The following WDR12 variants were observed in gnomAD, a reference collection of about 807,000 sequenced individuals.
WDR12 encodes ribosome biogenesis protein WDR12.
Under a neutral mutation model 64.3 loss-of-function variants are expected in WDR12, and 42 were observed. That is an observed-to-expected ratio of 0.65 (90% CI 0.51 to 0.84). The LOEUF (loss-of-function observed/expected upper bound fraction) is 0.84. Ranked by LOEUF, WDR12 falls within the 40% of genes least tolerant of loss-of-function variation. The probability of loss-of-function intolerance (pLI) is 0.00; values close to 1 mark genes in which losing one functional copy is unlikely to be tolerated. For synonymous variants in WDR12, 158 were observed against 173.3 expected, an observed-to-expected ratio of 0.91 and a Z score of 0.70; for missense variants, 469 against 494.6, an observed-to-expected ratio of 0.95 and a Z score of 0.49.
intron 4 of WDR12, among the ~76,000 whole-genome samples, chr2:202,897,888 C>CAAAA (rs10637220): frequency 8.1e-5 from 6 of 74,188 alleles, no homozygotes; most frequent in African/African-American, 2.4e-4. Flanking sequence ...GACTCCGTTT[C>CAAAA]AAAAAAAAAA....
At chr2:202,907,998 G>C (rs763142577) in intron 1 of WDR12, 39 bp from the exon 2 acceptor site, 2 of 1,561,870 alleles carry the variant, frequency 1.3e-6, no homozygotes, top group Non-Finnish European at 1.8e-6. Context: ...CAAGTCTACA[G>C]ATATTTGAAC....
chr2:202,911,351 A>G, intron 1 of WDR12, 85 bp downstream of exon 1: 1 of 1,367,194 alleles, frequency 7.3e-7, no homozygotes, highest in Non-Finnish European at 1.0e-6. Flanking sequence ...GACAGCAGAA[A>G]CAACCAGGGA....
chr2:202,903,087 C>A (rs1241228517), intron 2 of WDR12, among the ~76,000 whole-genome samples: 2 of 151,748 alleles, frequency 1.3e-5, no homozygotes, highest in Non-Finnish European at 2.9e-5. Context: ...TCAAAAAAAA[C>A]CAAAAAAACA....
At chr2:202,884,361 T>C (rs1040567652) in intron 9 of WDR12, 34 bp downstream of exon 9, 43 of 1,613,424 alleles carry the variant, frequency 2.7e-5, no homozygotes, top group Non-Finnish European at 3.5e-5. Flanking sequence ...TCTCTAGAAG[T>C]TTATCACTTA....
intron 3 of WDR12, among the ~76,000 whole-genome samples, chr2:202,900,186 C>A (rs559008336): frequency 6.6e-6 from 1 of 152,068 alleles, no homozygotes; most frequent in Non-Finnish European, 1.5e-5. Context: ...AAAAATTAGC[C>A]AGGCGTGGTG....
At chr2:202,894,011 A>G (rs570943502) in intron 7 of WDR12, among the ~76,000 whole-genome samples, 41 of 152,296 alleles carry the variant, frequency 2.7e-4, no homozygotes, top group African/African-American at 9.4e-4. Context: ...TTTCCTGAAT[A>G]AGAGAACTTT....
intron 8 of WDR12, among the ~76,000 whole-genome samples, chr2:202,888,819 C>A (rs896963203): frequency 1.3e-5 from 2 of 152,020 alleles, no homozygotes; most frequent in Non-Finnish European, 2.9e-5. Context: ...CTCAAGTGAT[C>A]CTCCCACTTC....
chr2:202,910,599 C>A lies in WDR12; in HGVS notation c.41+837G>T, dbSNP rs72936849. ...TTTTATTTTAAGAAAAACAAAAAAACCTACTTTCAATTAAAAAACACAGTG... is the reference window on the plus strand; with the variant it reads ...TTTTATTTTAAGAAAAACAAAAAAAACTACTTTCAATTAAAAAACACAGTG... On this transcript the variant is annotated intron_variant, in intron 1 of 12. Coordinates refer to ENST00000261015, the MANE Select transcript of WDR12 (RefSeq NM_018256.4). Among the ~76,000 whole-genome samples the A allele has an allele frequency of 7.0e-3, 1,065 of 152,204 alleles. 4 individuals are homozygous for A. Among genetic ancestry groups the A allele is most frequent in the Middle Eastern group, 0.048 (14 of 294 alleles).
intron 8 of WDR12, among the ~76,000 whole-genome samples, chr2:202,884,779 C>T (rs545943824): frequency 9.8e-5 from 15 of 152,316 alleles, no homozygotes; most frequent in Admixed American, 5.2e-4. Context: ...TTGAATTTGA[C>T]CCCAAATATT....
chr2:202,894,821 T>C (rs182474796), intron 6 of WDR12, 195 bp from the exon 7 acceptor site: 40 of 463,284 alleles, frequency 8.6e-5, no homozygotes, highest in Non-Finnish European at 1.3e-4. Flanking sequence ...CTTATTGCCA[T>C]GTCTTTTGAA....
intron 2 of WDR12, among the ~76,000 whole-genome samples, chr2:202,905,768 A>G (rs1409638946): frequency 6.6e-6 from 1 of 152,226 alleles, no homozygotes; most frequent in Non-Finnish European, 1.5e-5. Context: ...TAAGCCAGGC[A>G]CAGAAAACAA....
At position 202,880,897 on chromosome 2, in the gene WDR12, T is replaced by C; in HGVS notation, c.1235A>G (p.Tyr412Cys). Residue 412 changes from tyrosine to cysteine, a missense_variant, in exon 13 of 13, where the codon TAC becomes TGC. Coordinates refer to ENST00000261015, the MANE Select transcript of WDR12 (RefSeq NM_018256.4). ...SGGADNKLYS[Y>C]RYSPTTSHVG... The stretch of plus-strand genomic sequence containing the variant: ...ATGGGAAGTGGTAGGTGAATATCTG[T>C]AGGAATACAATTTATTGTCTGCTCC... 1.2e-6 allele frequency: 2 copies of C among 1,610,382 alleles called. No homozygotes were observed. Among genetic ancestry groups the C allele is most frequent in the Non-Finnish European group, 1.7e-6 (2 of 1,178,214 alleles).
At chr2:202,900,411 G>C (rs1688328881) in intron 3 of WDR12, among the ~76,000 whole-genome samples, 1 of 151,884 alleles carries the variant, frequency 6.6e-6, no homozygotes, top group Admixed American at 6.6e-5. Context: ...CAGGTCTTCT[G>C]TTTAGGATAA....
chr2:202,894,591 G>C lies in WDR12; in HGVS notation c.645C>G (p.Ile215Met). The change falls in exon 7 of 13, where the codon ATC (isoleucine) becomes ATG (methionine). Residue 215 changes from isoleucine to methionine, a missense_variant. Coordinates refer to ENST00000261015, the MANE Select transcript of WDR12 (RefSeq NM_018256.4). ...AAATATTTAATTTACCTGTAGACCA[G>C]ATCTTTAGCATCTTATCCCAGGAGC... ...CSGSWDKMLK[I>M]WSTVPTDEED... is the part of the protein sequence containing the mutation. 1 of 1,605,840 alleles carries C rather than the reference G, an allele frequency of 6.2e-7. No homozygotes were observed. The highest frequency in any genetic ancestry group is 8.5e-7 in the Non-Finnish European group (1 of 1,176,746).
Position 202,910,826 on chromosome 2 carries a change from A to T in WDR12, c.41+610T>A, listed in dbSNP as rs552483267. On this transcript the variant is annotated intron_variant, in intron 1 of 12. Coordinates refer to ENST00000261015, the MANE Select transcript of WDR12 (RefSeq NM_018256.4). ...AACTCAGGTGGGAGTTTCCTAGTTT[A>T]TGGCTAACTTTAGCTTATTAACACG... Among the ~76,000 whole-genome samples the T allele has an allele frequency of 5.9e-5, 9 of 152,314 alleles. No individual in the cohort carries two copies. The East Asian group carries it at 1.3e-3, about 23-fold the overall frequency.
chr2:202,882,871 T>C (rs1242850947), intron 11 of WDR12, 88 bp from the exon 12 acceptor site: 2 of 1,335,800 alleles, frequency 1.5e-6, no homozygotes, highest in Non-Finnish European at 1.1e-6. Flanking sequence ...CTGAAAACTT[T>C]ACAGGGTTTA....
intron 8 of WDR12, among the ~76,000 whole-genome samples, chr2:202,885,275 C>T (rs950601599): frequency 2.6e-5 from 4 of 152,204 alleles, no homozygotes; most frequent in Non-Finnish European, 1.5e-5. Flanking sequence ...CCCTTGCTGC[C>T]TATCTGTAAG....
rs755541980 is a variant in WDR12 at position 202,883,575 on chromosome 2, T to A, written c.1121+34A>T. ...TTTCCTTTCTATAACAGGTAATTGATATGTTTCTCTTATAGATCATAAATA... is the reference window on the plus strand; with the variant it reads ...TTTCCTTTCTATAACAGGTAATTGAAATGTTTCTCTTATAGATCATAAATA... On this transcript the variant is annotated intron_variant, in intron 11 of 12. Transcript: ENST00000261015. 5 of 1,592,872 alleles carry A rather than the reference T, an allele frequency of 3.1e-6. No individual in the cohort carries two copies. In the South Asian group the frequency reaches 5.6e-5, roughly 18 times the overall value.
chr2:202,897,940 T>C (rs575011603), intron 4 of WDR12, among the ~76,000 whole-genome samples: 1 of 123,622 alleles, frequency 8.1e-6, no homozygotes, highest in East Asian at 2.2e-4. Flanking sequence ...ATATATATCA[T>C]ATATATACAT....
Sources: gnomAD v4.1 joint callset for allele counts (sites outside exome capture counted in the v4.1 genomes callset) on GRCh38, gnomAD v4.1.1 for gene constraint, MANE v1.5 for transcripts, NCBI Gene and HGNC (gene_info 2026-07-23, HGNC 2026-07-21) for gene names.